Variants in ZNF609 observed in about 807,000 individuals in gnomAD.
The protein encoded by ZNF609 is zinc finger protein 609.
Under a neutral mutation model 109.5 loss-of-function variants are expected in ZNF609, and 11 were observed. The observed-to-expected ratio is 0.10, with a 90% CI of 0.06 to 0.17. ZNF609 has a LOEUF of 0.17. Ranked by LOEUF, ZNF609 falls within the 10% of genes least tolerant of loss-of-function variation. The pLI, the probability that ZNF609 is intolerant of heterozygous loss-of-function variation, is 1.00. For synonymous variants in ZNF609, 646 were observed against 662.0 expected (o/e 0.98, Z 0.37); for missense variants, 1,559 against 1,772.4 (o/e 0.88, Z 2.16).
intron 2 of ZNF609, among the ~76,000 whole-genome samples, chr15:64,562,943 A>G (rs1296263310): frequency 6.6e-6 from 1 of 151,676 alleles, no homozygotes; most frequent in Non-Finnish European, 1.5e-5. Context: ...ATGTCAACTA[A>G]GAGGTGAGTT....
intron 2 of ZNF609, among the ~76,000 whole-genome samples, chr15:64,616,959 C>G (rs1895809343): frequency 6.6e-6 from 1 of 151,414 alleles, no homozygotes; most frequent in African/African-American, 2.4e-5. Flanking sequence ...CAGGTGCACA[C>G]CACCATGCCC....
At chr15:64,538,197 A>T (rs189045202) in intron 2 of ZNF609, among the ~76,000 whole-genome samples, 10 of 152,316 alleles carry the variant, frequency 6.6e-5, no homozygotes, top group Admixed American at 3.3e-4. Flanking sequence ...GGTGAAAAAA[A>T]TTTTTAGATG....
At chr15:64,622,217 C>T (rs543213987) in intron 2 of ZNF609, among the ~76,000 whole-genome samples, 13 of 152,280 alleles carry the variant, frequency 8.5e-5, no homozygotes, top group African/African-American at 3.1e-4. Flanking sequence ...GAAATTCCCA[C>T]CAGGTTAATC....
intron 3 of ZNF609, among the ~76,000 whole-genome samples, chr15:64,664,831 T>C (rs1451333302): frequency 1.3e-5 from 2 of 152,204 alleles, no homozygotes; most frequent in African/African-American, 2.4e-5. Context: ...GTTTGCAGAT[T>C]ATACCAAAGG....
intron 3 of ZNF609, among the ~76,000 whole-genome samples, chr15:64,628,811 G>T (rs1295640435): frequency 1.3e-5 from 2 of 152,024 alleles, no homozygotes; most frequent in Non-Finnish European, 2.9e-5. Flanking sequence ...TTTCAGTAGA[G>T]ATGGGGTTTT....
intron 2 of ZNF609, among the ~76,000 whole-genome samples, chr15:64,586,042 C>T (rs1017989855): frequency 2.0e-5 from 3 of 151,836 alleles, no homozygotes; most frequent in South Asian, 2.1e-4. Flanking sequence ...GGGATCTTGC[C>T]GGCCGGGTGC....
intron 4 of ZNF609, among the ~76,000 whole-genome samples, chr15:64,672,505 A>G (rs1274374251): frequency 6.7e-6 from 1 of 149,358 alleles, no homozygotes; most frequent in Non-Finnish European, 1.5e-5. Context: ...CATGCCTGTA[A>G]CCCCAGCTAC....
intron 2 of ZNF609, among the ~76,000 whole-genome samples, chr15:64,575,155 G>A (rs538306388): frequency 2.0e-5 from 3 of 152,256 alleles, no homozygotes; most frequent in Middle Eastern, 3.4e-3. Flanking sequence ...ACCAAATCCC[G>A]GGGTTTCTGT....
intron 2 of ZNF609, among the ~76,000 whole-genome samples, chr15:64,518,442 T>C (rs979723616): frequency 6.6e-6 from 1 of 152,192 alleles, no homozygotes; most frequent in African/African-American, 2.4e-5. Context: ...AAGATGAGGC[T>C]GGAGTGCTAT....
chr15:64,622,687 TGAAAG>T (rs1895895045), intron 2 of ZNF609, 135 bp from the exon 3 acceptor site: 2 of 712,750 alleles, frequency 2.8e-6, no homozygotes, highest in Admixed American at 2.4e-5. Context: ...AGCCAGAACT[TGAAAG>T]GAAGAACCAA....
chr15:64,502,519 A>C (rs1330547396), intron 2 of ZNF609: 4 of 152,174 alleles, frequency 2.6e-5, no homozygotes, highest in African/African-American at 9.7e-5. Flanking sequence ...TTTATAAGCA[A>C]AGTCTTTGAA....
intron 2 of ZNF609, among the ~76,000 whole-genome samples, chr15:64,542,082 G>C (rs1894275172): frequency 6.6e-6 from 1 of 151,976 alleles, no homozygotes; most frequent in African/African-American, 2.4e-5. Flanking sequence ...CCAGGAGTTT[G>C]AGACCAGTCT....
At chr15:64,573,346 CTTTTTTTTTTTT>C (rs71133442) in intron 2 of ZNF609, among the ~76,000 whole-genome samples, 6 of 72,978 alleles carry the variant, frequency 8.2e-5, no homozygotes, top group South Asian at 1.1e-3. Context: ...GCCCAACTTT[CTTTTTTTTTTTT>C]TTTTTTTTTT....
chr15:64,517,729 G>A (rs1204575599), intron 2 of ZNF609, among the ~76,000 whole-genome samples: 4 of 151,664 alleles, frequency 2.6e-5, no homozygotes, highest in Non-Finnish European at 4.4e-5. Flanking sequence ...AATGGATGTG[G>A]TCTCTGCTCT....
At chr15:64,670,730 T>C (rs1896713354) in intron 4 of ZNF609, among the ~76,000 whole-genome samples, 1 of 151,274 alleles carries the variant, frequency 6.6e-6, no homozygotes, top group African/African-American at 2.4e-5. Context: ...AATAAAAAAT[T>C]AGCCAGGCAT....
chr15:64,638,930 CT>C (rs1373208335), intron 3 of ZNF609, among the ~76,000 whole-genome samples: 2 of 151,854 alleles, frequency 1.3e-5, no homozygotes, highest in Admixed American at 1.3e-4. Flanking sequence ...AAAAAGTTAG[CT>C]ATCTCCTGCT....
chr15:64,550,750 C>T (rs376698925), intron 2 of ZNF609, among the ~76,000 whole-genome samples: 40 of 150,496 alleles, frequency 2.7e-4, no homozygotes, highest in Admixed American at 1.5e-3. Context: ...ACAGGAGAAT[C>T]GCTTGAACCC....
intron 3 of ZNF609, among the ~76,000 whole-genome samples, chr15:64,653,895 A>G (rs1024351889): frequency 1.3e-5 from 2 of 152,180 alleles, no homozygotes; most frequent in African/African-American, 2.4e-5. Flanking sequence ...AAAGTCACCA[A>G]CTTGCTAGGA....
Position 64,582,811 on chromosome 15 carries a change from G to A in ZNF609, c.748-40016G>A, listed in dbSNP as rs563835095. Among the ~76,000 whole-genome samples, 4 of 122,760 alleles carry A rather than the reference G, an allele frequency of 3.3e-5. No individual in the cohort carries two copies. The East Asian group carries it at 1.1e-3, about 35-fold the overall frequency. The allele number at this position is 122,760 out of a possible 152,430, so 80.5% of individuals were successfully genotyped here. On this transcript the variant is annotated intron_variant, in intron 2 of 9. Transcript: ENST00000326648. ...TTGTCACCCAGGATGGAGTGCAGTG[G>A]CGTAATCTCGGGTCACTGCAACCTC...
Sources: allele counts gnomAD v4.1 joint callset (sites outside exome capture counted in the v4.1 genomes callset), GRCh38; gene constraint gnomAD v4.1.1; transcripts MANE v1.5; gene names NCBI Gene and HGNC (gene_info 2026-07-23, HGNC 2026-07-21).